NALCN: variants seen among roughly 807,000 people sequenced by gnomAD.
The protein encoded by NALCN is sodium leak channel, non-selective.
A neutral mutation model predicts 225.3 loss-of-function variants in NALCN; 111 were observed. That is an observed-to-expected ratio of 0.49 (90% confidence interval 0.42 to 0.58). The LOEUF (loss-of-function observed/expected upper bound fraction) is 0.58, where lower values mean the gene tolerates loss of function less well. Ranked by LOEUF, NALCN falls within the 20% of genes least tolerant of loss-of-function variation. NALCN has a pLI of 0.00. For missense variants in NALCN, 1,378 were observed against 2,202.4 expected (o/e 0.63, Z 7.49); for synonymous variants, 764 against 769.0 (o/e 0.99, Z 0.11).
rs1157203704 is a variant in NALCN, at chr13:101,279,823, T to A, written c.1134+4110A>T. On this transcript the variant is annotated intron_variant, in intron 10 of 43. Transcript: ENST00000251127. ...CAGAGCGAGACTCCGTCTCAAAAAA[T>A]AAATAAATAAATAAAATAAATAAAT... Among the ~76,000 whole-genome samples the A allele has an allele frequency of 4.5e-3, 457 of 100,862 alleles. 4 individuals carry two copies. Among genetic ancestry groups the A allele is most frequent in the African/African-American group, 0.014 (427 of 30,850 alleles). The allele number at this position is 100,862 out of a possible 152,430, so 66.2% of individuals were successfully genotyped here.
At chr13:101,119,668 A>G (rs997326182) in intron 18 of NALCN, among the ~76,000 whole-genome samples, 1 of 152,220 alleles carries the variant, frequency 6.6e-6, no homozygotes, top group Admixed American at 6.5e-5. Flanking sequence ...GTACATTGCT[A>G]TTTGTTTTTT....
At chr13:101,311,907 A>T (rs1338400830) in intron 7 of NALCN, among the ~76,000 whole-genome samples, 2 of 151,672 alleles carry the variant, frequency 1.3e-5, no homozygotes, top group Non-Finnish European at 2.9e-5. Flanking sequence ...CTCTTTTTCT[A>T]TTGATTGGAA....
At chr13:101,133,952 G>T (rs542367946) in intron 17 of NALCN, among the ~76,000 whole-genome samples, 1 of 152,052 alleles carries the variant, frequency 6.6e-6, no homozygotes, top group South Asian at 2.1e-4. Context: ...GGTGGATCAC[G>T]AGGTCAGGAG....
In NALCN at chr13:101,353,915, A is replaced by G. The variant is rs937325013; in HGVS notation, c.645-8495T>C. On this transcript the variant is annotated intron_variant, in intron 6 of 43. Transcript: ENST00000251127. Reference sequence around the variant, plus strand: ...TTATATCTGAATAGCTTTTTAAAATAATATATGTTCCCCAAGTTGACTCCC... The same window carrying G: ...TTATATCTGAATAGCTTTTTAAAATGATATATGTTCCCCAAGTTGACTCCC... 5.9e-5 allele frequency among the ~76,000 whole-genome samples: 9 copies of G among 152,376 alleles called. No individual in the cohort carries two copies. The East Asian group carries it at 1.5e-3, about 26-fold the overall frequency.
chr13:101,177,638 T>A (rs549597505), intron 14 of NALCN, among the ~76,000 whole-genome samples: 26 of 152,206 alleles, frequency 1.7e-4, no homozygotes, highest in Admixed American at 3.3e-4. Context: ...GCATAATTTT[T>A]AAAAATATTT....
intron 18 of NALCN, among the ~76,000 whole-genome samples, chr13:101,121,513 G>T (rs2035971513): frequency 6.6e-6 from 1 of 152,046 alleles, no homozygotes; most frequent in South Asian, 2.1e-4. Flanking sequence ...TCTTTTTCAA[G>T]CCTCCCTATA....
In NALCN at chr13:101,143,190, G is replaced by A. The variant is rs972964381; in HGVS notation, c.2008C>T (p.Gln670Ter). The change falls in exon 17 of 44, where the codon CAG (glutamine) becomes TAG (stop). Residue 670 changes from glutamine (Q) to a stop codon, truncating the protein, a stop_gained. Coordinates refer to ENST00000251127, the MANE Select transcript of NALCN (RefSeq NM_052867.4). LOFTEE classifies it high-confidence loss of function. ...ESFMKQFIDRQQQDTCCLLRS... is the reference protein window; with the variant it reads ...ESFMKQFIDR ...AGGAGGCAACATGTGTCCTGTTGCT[G>A]GCGGTCAATAAACTGCTTCATAAAA... 5.6e-6 allele frequency: 9 copies of A among 1,612,600 alleles called. No homozygotes were observed. The highest frequency in any genetic ancestry group is 7.6e-6 in the Non-Finnish European group (9 of 1,179,464).
intron 6 of NALCN, among the ~76,000 whole-genome samples, chr13:101,350,954 A>C (rs927964124): frequency 6.6e-6 from 1 of 152,158 alleles, no homozygotes; most frequent in Admixed American, 6.6e-5. Flanking sequence ...CCTTAAAGTA[A>C]ATCTCTTTAT....
chr13:101,089,632 A>C lies in NALCN; in HGVS notation c.3489+31T>G, dbSNP rs752279245. ...AAAGTGAGTGGCTAGAAAAGGCTAA[A>C]CCCTGTGGTATCCAAACCAAAAATC... On this transcript the variant is annotated intron_variant, in intron 30 of 43. Transcript: ENST00000251127. The surrounding 1 kb of genome is among the most constrained non-coding windows in gnomAD (Gnocchi z 4.7). 1.9e-6 allele frequency: 3 copies of C among 1,600,986 alleles called. No individual in the cohort carries two copies. The highest frequency in any genetic ancestry group is 2.6e-6 in the Non-Finnish European group (3 of 1,170,020).
At chr13:101,119,926 C>CT (rs900880653) in intron 18 of NALCN, among the ~76,000 whole-genome samples, 34 of 149,806 alleles carry the variant, frequency 2.3e-4, no homozygotes, top group East Asian at 1.4e-3. Flanking sequence ...AAATGGCCCA[C>CT]TTTTTTTTTT....
At chr13:101,057,893 C>G (rs764289339) in intron 43 of NALCN, 46 bp downstream of exon 43, 11 of 1,458,594 alleles carry the variant, frequency 7.5e-6, no homozygotes, top group Non-Finnish European at 2.9e-6. Context: ...AGAGTAAATA[C>G]CTTTAAAATG....
chr13:101,300,248 A>G (rs2043904263), intron 7 of NALCN, among the ~76,000 whole-genome samples: 1 of 152,124 alleles, frequency 6.6e-6, no homozygotes, highest in Non-Finnish European at 1.5e-5. Context: ...ATCCTAGTGA[A>G]TAAAACCTCT....
chr13:101,251,528 C>A (rs2140193105), intron 11 of NALCN, among the ~76,000 whole-genome samples: 1 of 151,938 alleles, frequency 6.6e-6, no homozygotes, highest in South Asian at 2.1e-4. Flanking sequence ...GACGGACACA[C>A]AAATATTGGT....
intron 32 of NALCN, 71 bp downstream of exon 32, chr13:101,083,021 G>A: frequency 6.4e-7 from 1 of 1,551,502 alleles, no homozygotes; most frequent in African/African-American, 1.4e-5. Flanking sequence ...GCATATAGCA[G>A]CTTGTGATAC....
At chr13:101,329,609 C>T (rs1030638967) in intron 7 of NALCN, among the ~76,000 whole-genome samples, 1 of 150,870 alleles carries the variant, frequency 6.6e-6, no homozygotes, top group Admixed American at 6.6e-5. Context: ...CAAGGAAATA[C>T]CAACTTTTAA....
intron 7 of NALCN, among the ~76,000 whole-genome samples, chr13:101,307,316 GACTGTCACAGATTAC>G (rs951599098): frequency 1.1e-4 from 17 of 152,132 alleles, no homozygotes; most frequent in African/African-American, 3.6e-4. Context: ...AACTTCCTAG[GACTGTCACAGATTAC>G]ACAGATGGAG....
chr13:101,370,723 G>C (rs1438534836), intron 6 of NALCN, among the ~76,000 whole-genome samples: 1 of 152,176 alleles, frequency 6.6e-6, no homozygotes, highest in African/African-American at 2.4e-5. Context: ...TGAAAAATTA[G>C]ATTTCTACTT....
chr13:101,091,716 A>AT (rs200342403), intron 28 of NALCN, among the ~76,000 whole-genome samples: 2,566 of 152,210 alleles, frequency 0.017, 26 homozygotes, highest in Non-Finnish European at 0.024. Flanking sequence ...TTGAATAAGG[A>AT]TTTTTTACAA....
chr13:101,140,028 T>A (rs769490304), intron 17 of NALCN, among the ~76,000 whole-genome samples: 1 of 152,080 alleles, frequency 6.6e-6, no homozygotes, highest in African/African-American at 2.4e-5. Context: ...AAATGGTGGA[T>A]CCTGAAAAGA....
Sources: gnomAD v4.1 joint callset for allele counts (sites outside exome capture counted in the v4.1 genomes callset) on GRCh38, gnomAD v4.1.1 for gene constraint, Gnocchi (gnomAD v3.1) non-coding constraint, MANE v1.5 for transcripts, NCBI Gene and HGNC (gene_info 2026-07-23, HGNC 2026-07-21) for gene names.